The following ADAMTS9 variants were observed in gnomAD, a reference collection of about 807,000 sequenced individuals.
ADAMTS9 encodes the protein A disintegrin and metalloproteinase with thrombospondin motifs 9.
ADAMTS9 carries 107 observed loss-of-function variants against 257.1 expected under a neutral mutation model. The ratio of observed to expected loss-of-function variants is 0.42; its 90% CI spans 0.36 to 0.49. The LOEUF is 0.49. ADAMTS9 is among the 20% of genes least tolerant of loss of function. The pLI is 0.03. For synonymous variants in ADAMTS9, 982 were observed against 880.9 expected (o/e 1.11, Z -2.03); for missense variants, 2,353 against 2,469.1 (o/e 0.95, Z 1.00).
chr3:64,575,728 C>T lies in ADAMTS9; in HGVS notation c.4357-7193G>A, dbSNP rs116017941. Among the ~76,000 whole-genome samples, 655 of 152,282 alleles carry T rather than the reference C, an allele frequency of 4.3e-3. 4 individuals carry two copies. The highest frequency in any genetic ancestry group is 0.015 in the African/African-American group (624 of 41,560). On this transcript the variant is annotated intron_variant, in intron 28 of 39. Transcript: ENST00000498707. ...CTTCATCTCTCAGCTCAGATTTGTT[C>T]TCTGTAAGATGGGAGAATAGTAGTA... is the stretch of plus-strand genomic sequence containing the variant.
chr3:64,538,808 C>A (rs2083083883), intron 37 of ADAMTS9, among the ~76,000 whole-genome samples: 1 of 151,902 alleles, frequency 6.6e-6, no homozygotes, highest in Non-Finnish European at 1.5e-5. Flanking sequence ...TGGCAATTGA[C>A]AAATGTTACA....
At chr3:64,636,403 C>A (rs759071842) in intron 12 of ADAMTS9, among the ~76,000 whole-genome samples, 1 of 152,048 alleles carries the variant, frequency 6.6e-6, no homozygotes, top group Admixed American at 6.5e-5. Flanking sequence ...CAATATTAGG[C>A]GAGTTGCTTA....
In ADAMTS9 at chr3:64,687,258, T is replaced by C. The variant is rs1701939402; in HGVS notation, c.115+285A>G. ...GAATAAAATAAAACATGACGCTATC[T>C]GGTGCCCCCAATTACTAAGTTACTT... On this transcript the variant is annotated intron_variant, in intron 1 of 39. Coordinates refer to ENST00000498707, the MANE Select transcript of ADAMTS9 (RefSeq NM_182920.2). This position sits in a 1 kb window ranked among gnomAD's most constrained non-coding sequence, Gnocchi z 4.4. Among the ~76,000 whole-genome samples the C allele has an allele frequency of 6.6e-6, 1 of 152,212 alleles. No individual in the cohort carries two copies. The highest frequency in any genetic ancestry group is 6.5e-5 in the Admixed American group (1 of 15,286).
chr3:64,654,225 C>G, intron 8 of ADAMTS9, 128 bp downstream of exon 8: 1 of 948,508 alleles, frequency 1.1e-6, no homozygotes, highest in South Asian at 1.6e-5. Context: ...AGCTCTTCAA[C>G]CCTGCAACTC....
chr3:64,587,288 T>C (rs2084174818), intron 28 of ADAMTS9: 1 of 152,220 alleles, frequency 6.6e-6, no homozygotes, highest in African/African-American at 2.4e-5. Context: ...ATGGGCATCC[T>C]ATGGGGGAAC....
At chr3:64,527,508 C>T (rs1575979388) in intron 38 of ADAMTS9, among the ~76,000 whole-genome samples, 1 of 151,760 alleles carries the variant, frequency 6.6e-6, no homozygotes, top group Admixed American at 6.6e-5. Context: ...TAAGAAAATC[C>T]ATACAGATAG....
intron 30 of ADAMTS9, among the ~76,000 whole-genome samples, chr3:64,557,521 A>G (rs2083355573): frequency 6.6e-6 from 1 of 152,194 alleles, no homozygotes; most frequent in Admixed American, 6.5e-5. Context: ...ACTCACCTGA[A>G]GCTGGCGGGT....
At chr3:64,595,803 C>A (rs962503220) in intron 27 of ADAMTS9, among the ~76,000 whole-genome samples, 5 of 152,136 alleles carry the variant, frequency 3.3e-5, no homozygotes, top group East Asian at 1.9e-4. Context: ...CTTTTTCCCC[C>A]CCTTGGCACT....
intron 30 of ADAMTS9, among the ~76,000 whole-genome samples, chr3:64,552,014 C>G (rs867219779): frequency 6.6e-6 from 1 of 152,196 alleles, no homozygotes; most frequent in African/African-American, 2.4e-5. Flanking sequence ...AACAAGAGTG[C>G]ACACAAATGG....
chr3:64,539,394 G>T, intron 36 of ADAMTS9, 100 bp from the exon 37 acceptor site: 1 of 939,628 alleles, frequency 1.1e-6, no homozygotes, highest in Non-Finnish European at 1.7e-6. Flanking sequence ...GGAAGAAGAA[G>T]AATAAGAGGG....
chr3:64,576,716 T>G (rs1176002226), intron 28 of ADAMTS9, among the ~76,000 whole-genome samples: 2 of 152,152 alleles, frequency 1.3e-5, no homozygotes, highest in Non-Finnish European at 2.9e-5. Flanking sequence ...GATGGGGCAT[T>G]AGGCCATCCT....
intron 30 of ADAMTS9, among the ~76,000 whole-genome samples, chr3:64,552,262 A>C (rs754777447): frequency 3.9e-5 from 6 of 152,202 alleles, no homozygotes; most frequent in Non-Finnish European, 7.3e-5. Context: ...GGTATGTTTC[A>C]TTCTAGGATA....
intron 32 of ADAMTS9, among the ~76,000 whole-genome samples, chr3:64,545,569 G>C (rs1275503357): frequency 2.6e-5 from 4 of 151,946 alleles, no homozygotes; most frequent in Non-Finnish European, 5.9e-5. Flanking sequence ...GAGAACACTT[G>C]GACACAGGGT....
At chr3:64,615,687 T>C (rs1274410516) in intron 20 of ADAMTS9, among the ~76,000 whole-genome samples, 1 of 152,140 alleles carries the variant, frequency 6.6e-6, no homozygotes, top group Non-Finnish European at 1.5e-5. Context: ...CATTGGCATA[T>C]AAAAATAAAA....
intron 3 of ADAMTS9, among the ~76,000 whole-genome samples, chr3:64,660,911 G>A (rs1701205411): frequency 6.6e-6 from 1 of 152,194 alleles, no homozygotes; most frequent in African/African-American, 2.4e-5. Context: ...AGAAGCTGGT[G>A]CTAGTTTTGC....
rs2084519103 is a variant in ADAMTS9 at position 64,604,271 on chromosome 3, A to T, written c.3535T>A (p.Tyr1179Asn). The T allele has an allele frequency of 6.2e-7, 1 of 1,613,642 alleles. No homozygotes were observed. Among genetic ancestry groups the T allele is most frequent in the Non-Finnish European group, 8.5e-7 (1 of 1,179,822 alleles). Residue 1179 changes from tyrosine to asparagine, a missense_variant, in exon 24 of 40, where the codon TAC (tyrosine) becomes AAC (asparagine). Tyr to Asn is a moderately radical substitution (Grantham distance 143, BLOSUM62 -2). This residue lies in a region of ADAMTS9 where 1,402 missense variants were observed against 1,441.4 expected (regional missense o/e 0.97). Transcript: ENST00000498707. Reference protein sequence around the residue: ...PAAPETRRSTYSAPRTQWRFG... With the variant: ...PAAPETRRSTNSAPRTQWRFG... Reference sequence around the variant, plus strand: ...CGCCACTGGGTTCTTGGTGCACTGTATGTGCTTCTCCTCGTTTCCGGGGCA... The same window carrying T: ...CGCCACTGGGTTCTTGGTGCACTGTTTGTGCTTCTCCTCGTTTCCGGGGCA...
chr3:64,631,469 T>C lies in ADAMTS9; in HGVS notation c.2375A>G (p.Asp792Gly). Residue 792 changes from aspartate (D) to glycine (G), a missense_variant, in exon 16 of 40, where the codon GAT (aspartate) becomes GGT (glycine). Physicochemically the swap from Asp to Gly is moderately conservative, Grantham distance 94. Around this residue, in one of 3 missense-constraint regions of ADAMTS9, gnomAD observed 360 missense variants for 458.1 expected, o/e 0.79. Transcript: ENST00000498707. ...RQHSFSGETD[D>G]DNYLALSSSK... ...TCCCATCTCACCTAAGTAGTTGTCATCGTCTGTTTCCCCTGAGAAACTGTG... is the reference window on the plus strand; with the variant it reads ...TCCCATCTCACCTAAGTAGTTGTCACCGTCTGTTTCCCCTGAGAAACTGTG... The C allele has an allele frequency of 6.2e-7, 1 of 1,614,026 alleles. No individual in the cohort carries two copies. The highest frequency in any genetic ancestry group is 8.5e-7 in the Non-Finnish European group (1 of 1,179,868).
chr3:64,666,533 G>A (rs1701357478), intron 3 of ADAMTS9, among the ~76,000 whole-genome samples: 1 of 152,136 alleles, frequency 6.6e-6, no homozygotes, highest in South Asian at 2.1e-4. Context: ...CTTGGATTCT[G>A]GAGCCAGGCC....
chr3:64,628,916 T>A (rs1372648309), intron 16 of ADAMTS9, among the ~76,000 whole-genome samples: 1 of 152,184 alleles, frequency 6.6e-6, no homozygotes. Context: ...ACACTAGTGG[T>A]CGTATAATAA....
Sources: gnomAD v4.1 joint callset for allele counts (sites outside exome capture counted in the v4.1 genomes callset) on GRCh38, gnomAD v4.1.1 for gene constraint, gnomAD v4.1.1 regional missense constraint, Gnocchi (gnomAD v3.1) non-coding constraint, MANE v1.5 for transcripts, NCBI Gene and HGNC (gene_info 2026-07-23, HGNC 2026-07-21) for gene names.